Variants in PRRC2C observed in about 807,000 individuals in gnomAD.
PRRC2C encodes proline rich coiled-coil 2C.
A neutral mutation model predicts 317.2 loss-of-function variants in PRRC2C; 72 were observed. The observed-to-expected ratio is 0.23, with a 90% CI of 0.19 to 0.28. The LOEUF (loss-of-function observed/expected upper bound fraction) is 0.28, where lower values mean the gene tolerates loss of function less well. PRRC2C is among the 10% of genes least tolerant of loss of function. PRRC2C has a pLI of 1.00. For missense variants in PRRC2C, 3,074 were observed against 3,459.7 expected (o/e 0.89, Z 2.80); for synonymous variants, 1,296 against 1,205.9 (o/e 1.07, Z -1.55).
chr1:171,571,982 T>C (rs1684834979), intron 24 of PRRC2C, among the ~76,000 whole-genome samples: 1 of 152,142 alleles, frequency 6.6e-6, no homozygotes, highest in African/African-American at 2.4e-5. Context: ...TCAGCGCTTT[T>C]TGATGTCAAA....
chr1:171,506,995 A>C (rs558876936), intron 1 of PRRC2C, among the ~76,000 whole-genome samples: 112 of 152,192 alleles, frequency 7.4e-4, no homozygotes, highest in African/African-American at 2.7e-3. Flanking sequence ...AATAGTCAAG[A>C]CTAGGTTGGT....
intron 19 of PRRC2C, among the ~76,000 whole-genome samples, chr1:171,559,974 G>T (rs1206009948): frequency 6.6e-6 from 1 of 152,180 alleles, no homozygotes; most frequent in Non-Finnish European, 1.5e-5. Flanking sequence ...TTGTTTTCAT[G>T]CCTTCCAACA....
intron 24 of PRRC2C, among the ~76,000 whole-genome samples, chr1:171,572,649 CT>C (rs978782565): frequency 6.6e-6 from 1 of 152,136 alleles, no homozygotes; most frequent in Non-Finnish European, 1.5e-5. Flanking sequence ...TTTCTGTTGT[CT>C]TTTGGCTTGA....
At chr1:171,490,964 T>A (rs565496873) in intron 1 of PRRC2C, among the ~76,000 whole-genome samples, 1 of 152,358 alleles carries the variant, frequency 6.6e-6, no homozygotes, top group South Asian at 2.1e-4. Flanking sequence ...GATACAAGGA[T>A]AATATCCATT....
chr1:171,566,534 A>G, intron 21 of PRRC2C, 58 bp from the exon 22 acceptor site: 2 of 1,489,712 alleles, frequency 1.3e-6, no homozygotes, highest in African/African-American at 1.4e-5. Context: ...TCATGGTGCA[A>G]TGATGAAAGA....
In PRRC2C at chr1:171,540,204, G is replaced by A. The variant is rs370158523; in HGVS notation, c.2738G>A (p.Arg913Gln). Reference sequence around the variant, plus strand: ...ACCTTATCCGCTCCTCAAGAGGAGCGGATTTCAGCTGTAGAAAGTCAGCCT... The same window carrying A: ...ACCTTATCCGCTCCTCAAGAGGAGCAGATTTCAGCTGTAGAAAGTCAGCCT... Reference protein sequence around the residue: ...QKTLSAPQEERISAVESQPSR... With the variant: ...QKTLSAPQEEQISAVESQPSR... Residue 913 changes from arginine (R) to glutamine (Q), a missense_variant, in exon 16 of 35, where the codon CGG becomes CAG. Physicochemically the swap from Arg to Gln is conservative, Grantham distance 43 (BLOSUM62 1). Transcript: ENST00000647382. 4.4e-5 allele frequency: 71 copies of A among 1,613,822 alleles called. No homozygotes were observed. In the African/African-American group the frequency reaches 5.1e-4, roughly 12 times the overall value.
In PRRC2C at chr1:171,522,177, A is replaced by C. The variant is rs1156998767; in HGVS notation, c.751A>C (p.Met251Leu). Residue 251 changes from methionine (M) to leucine (L), a missense_variant and splice_region_variant, in exon 7 of 35, where the codon ATG becomes CTG. Physicochemically the swap from Met to Leu is conservative, Grantham distance 15. Around this residue, in one of 11 missense-constraint regions of PRRC2C, gnomAD observed 237 missense variants for 199.5 expected, o/e 1.19. Coordinates refer to ENST00000647382, the MANE Select transcript of PRRC2C (RefSeq NM_001387844.1). The part of the protein sequence containing the change: ...SQYRAMMPPY[M>L]FQQYPRMTYP... ...ACAATTTTTTGTTTCCTTCATTCAG[A>C]TGTTCCAACAGTATCCGAGGATGAC... 1 of 1,537,752 alleles carries C rather than the reference A, an allele frequency of 6.5e-7. No individual in the cohort carries two copies. The highest frequency in any genetic ancestry group is 8.8e-7 in the Non-Finnish European group (1 of 1,131,034).
At chr1:171,494,856 C>G (rs146156076) in intron 1 of PRRC2C, among the ~76,000 whole-genome samples, 331 of 152,078 alleles carry the variant, frequency 2.2e-3, no homozygotes, top group African/African-American at 7.7e-3. Flanking sequence ...AGCTCTGGGC[C>G]TGGGGTCTCA....
chr1:171,566,525 C>A, intron 21 of PRRC2C, 67 bp from the exon 22 acceptor site: 1 of 1,484,028 alleles, frequency 6.7e-7, no homozygotes. Context: ...TATCTTTGAT[C>A]ATGGTGCAAT....
At chr1:171,517,507 C>T in intron 5 of PRRC2C, 84 bp from the exon 6 acceptor site, 2 of 1,273,698 alleles carry the variant, frequency 1.6e-6, no homozygotes, top group Non-Finnish European at 2.2e-6. Flanking sequence ...TACTTGCTTT[C>T]ATTTTCCTGA....
chr1:171,517,862 TG>T, intron 6 of PRRC2C, 48 bp downstream of exon 6: 1 of 1,547,620 alleles, frequency 6.5e-7, no homozygotes, highest in Non-Finnish European at 8.8e-7. Context: ...GTTTTTGATC[TG>T]GGGTCCAAGG....
At position 171,591,876 on chromosome 1, in the gene PRRC2C, AG is replaced by A; in HGVS notation, c.*35del. On this transcript the variant is annotated 3_prime_UTR_variant, in exon 35 of 35. Coordinates refer to ENST00000647382, the MANE Select transcript of PRRC2C (RefSeq NM_001387844.1). The stretch of plus-strand genomic sequence containing the variant: ...CTATGGTTTATTGCAGGGGATTGGG[AG>A]GGGGGCGGGAAAACATGGAGAATTA... 7.5e-5 allele frequency: 46 copies of A among 616,012 alleles called. No individual in the cohort carries two copies. Among genetic ancestry groups the A allele is most frequent in the Non-Finnish European group, 1.0e-4 (39 of 381,068 alleles). The allele number at this position is 616,012 out of a possible 1,614,324, so 38.2% of individuals were successfully genotyped here.
chr1:171,571,398 A>G lies in PRRC2C; in HGVS notation c.6730A>G (p.Thr2244Ala), dbSNP rs765169912. Residue 2244 changes from threonine to alanine, a missense_variant, in exon 24 of 35, where the codon ACT (threonine) becomes GCT (alanine). By Grantham distance (58) the Thr-to-Ala change is moderately conservative. Coordinates refer to ENST00000647382, the MANE Select transcript of PRRC2C (RefSeq NM_001387844.1). ...QSSSLTSVPP[T>A]TFSLTFKMES... ...CTCCAGCCTAACTTCAGTTCCTCCC[A>G]CTACTTTCAGCCTCACCTTCAAGGT... The G allele has an allele frequency of 1.6e-5, 25 of 1,607,128 alleles. No homozygotes were observed. Among genetic ancestry groups the G allele is most frequent in the Non-Finnish European group, 1.7e-5 (20 of 1,173,884 alleles).
At chr1:171,503,261 C>T (rs1259741116) in intron 1 of PRRC2C, among the ~76,000 whole-genome samples, 1 of 152,108 alleles carries the variant, frequency 6.6e-6, no homozygotes, top group African/African-American at 2.4e-5. Flanking sequence ...TGGTGGCTCA[C>T]ACCTGTAATC....
In PRRC2C at chr1:171,584,201, C is replaced by T; in HGVS notation, c.7641+14C>T. 2 of 1,581,250 alleles carry T rather than the reference C, an allele frequency of 1.3e-6. No homozygotes were observed. Among genetic ancestry groups the T allele is most frequent in the Non-Finnish European group, 1.7e-6 (2 of 1,150,816 alleles). ...CATCTTCTCCAGGTAAGTCAGGGGA[C>T]TAGAGCAATGCACCCTCATTGTATT... On this transcript the variant is annotated intron_variant, in intron 29 of 34. Transcript: ENST00000647382.
At chr1:171,532,092 GCAA>G (rs1357591806) in intron 11 of PRRC2C, among the ~76,000 whole-genome samples, 1 of 152,172 alleles carries the variant, frequency 6.6e-6, no homozygotes, top group Non-Finnish European at 1.5e-5. Flanking sequence ...TACTGAATGA[GCAA>G]CAACGTCTGG....
chr1:171,557,495 G>A lies in PRRC2C; in HGVS notation c.5383G>A (p.Val1795Ile). The change falls in exon 19 of 35, where the codon GTT (valine) becomes ATT (isoleucine). Residue 1795 changes from valine (V) to isoleucine (I), a missense_variant. This residue lies in a region of PRRC2C where 640 missense variants were observed against 676.1 expected (regional missense o/e 0.95). Transcript: ENST00000647382. ...GGTTCCAGCCTCAACTTTAGCTCCAGTTCTGGCCTCAACCTCAGCTCCAGT... is the reference window on the plus strand; with the variant it reads ...GGTTCCAGCCTCAACTTTAGCTCCAATTCTGGCCTCAACCTCAGCTCCAGT... ...APVPASTLAP[V>I]LASTSAPVPA... 1.3e-6 allele frequency: 2 copies of A among 1,551,376 alleles called. No individual in the cohort carries two copies.
intron 15 of PRRC2C, 56 bp downstream of exon 15, chr1:171,537,529 C>G (rs1553224652): frequency 5.6e-6 from 8 of 1,427,980 alleles, no homozygotes; most frequent in Non-Finnish European, 7.7e-6. Flanking sequence ...AAAAGGAAAA[C>G]TGTGTAGTGT....
At chr1:171,490,613 TAAG>T (rs1666966943) in intron 1 of PRRC2C, among the ~76,000 whole-genome samples, 2 of 152,090 alleles carry the variant, frequency 1.3e-5, no homozygotes, top group African/African-American at 4.8e-5. Context: ...CAAGACAAAA[TAAG>T]AAGGAAGTCA....
Sources: allele counts gnomAD v4.1 joint callset (sites outside exome capture counted in the v4.1 genomes callset), GRCh38; gene constraint gnomAD v4.1.1; regional missense constraint gnomAD v4.1.1; transcripts MANE v1.5; gene names NCBI Gene and HGNC (gene_info 2026-07-23, HGNC 2026-07-21).